Variants in YWHAG observed in about 807,000 individuals in gnomAD.
The protein encoded by YWHAG is tyrosine 3-monooxygenase/tryptophan 5-monooxygenase activation protein gamma, also known as 14-3-3 protein gamma.
In YWHAG, 1 loss-of-function variant was observed where a neutral mutation model predicts 23.3. That is an observed-to-expected ratio of 0.04 (90% confidence interval 0.02 to 0.20). YWHAG has a LOEUF of 0.20. Ranked by LOEUF, YWHAG falls within the 10% of genes least tolerant of loss-of-function variation. YWHAG has a pLI of 1.00. For missense variants in YWHAG, 151 were observed against 338.6 expected, an observed-to-expected ratio of 0.45 and a Z score of 4.35; for synonymous variants, 160 against 144.0, an observed-to-expected ratio of 1.11 and a Z score of -0.80.
intron 1 of YWHAG, among the ~76,000 whole-genome samples, chr7:76,337,214 G>C (rs183922551): frequency 1.4e-4 from 21 of 152,236 alleles, no homozygotes; most frequent in Admixed American, 1.3e-3. Context: ...CTGAGAACTT[G>C]GATTTAGGGA....
chr7:76,341,404 C>CAAA (rs1158151013), intron 1 of YWHAG, among the ~76,000 whole-genome samples: 11,212 of 44,572 alleles, frequency 0.25, 2,723 homozygotes, highest in East Asian at 0.38. Flanking sequence ...ACTCTTGCCT[C>CAAA]AAAAAAAAAA....
At chr7:76,342,796 A>G (rs1803717117) in intron 1 of YWHAG, among the ~76,000 whole-genome samples, 1 of 152,142 alleles carries the variant, frequency 6.6e-6, no homozygotes, top group African/African-American at 2.4e-5. Flanking sequence ...TCTGACTTGG[A>G]AGTGGCGGGG....
chr7:76,341,824 TCTGAACATA>T lies in YWHAG; in HGVS notation c.88-11600_88-11592del, dbSNP rs1310097589. ...TAGAATGTGGTGATGGTTATGCAAG[TCTGAACATA>T]CTGAAAACCATTAAATTGCACACTT... On this transcript the variant is annotated intron_variant, in intron 1 of 1. Transcript: ENST00000307630. Among the ~76,000 whole-genome samples, 3 of 152,270 alleles carry T rather than the reference TCTGAACATA, an allele frequency of 2.0e-5. 1 individual carries two copies. In the South Asian group the frequency reaches 6.2e-4, roughly 32 times the overall value.
intron 1 of YWHAG, among the ~76,000 whole-genome samples, chr7:76,345,438 G>A (rs558169676): frequency 2.6e-5 from 4 of 151,738 alleles, no homozygotes; most frequent in Admixed American, 6.6e-5. Context: ...CACCCGCCTC[G>A]GCCTCCCAAA....
intron 1 of YWHAG, among the ~76,000 whole-genome samples, chr7:76,357,205 T>C (rs1190641394): frequency 6.6e-6 from 1 of 152,238 alleles, no homozygotes. Context: ...ATCAGTTCTC[T>C]TCAATAAGAC....
At position 76,332,511 on chromosome 7, in the gene YWHAG, A is replaced by T. The variant is rs117179368; in HGVS notation, c.88-2278T>A. Among the ~76,000 whole-genome samples the T allele has an allele frequency of 7.4e-4, 113 of 152,236 alleles. 1 individual carries two copies. In the East Asian group the frequency reaches 0.021, roughly 28 times the overall value. ...AGGTAATATACAGGTATATCAGACA[A>T]ATAAGAAAGTCTTTTTTTGTTCTTT... On this transcript the variant is annotated intron_variant, in intron 1 of 1. Transcript: ENST00000307630.
intron 1 of YWHAG, among the ~76,000 whole-genome samples, chr7:76,355,748 C>A (rs1158680924): frequency 6.6e-6 from 1 of 152,148 alleles, no homozygotes; most frequent in Non-Finnish European, 1.5e-5. Context: ...CCTCCCACCC[C>A]TCATTGAGTT....
intron 1 of YWHAG, among the ~76,000 whole-genome samples, chr7:76,352,806 T>C (rs765361529): frequency 2.0e-5 from 3 of 152,092 alleles, no homozygotes; most frequent in Non-Finnish European, 4.4e-5. Flanking sequence ...TGCGCCACCA[T>C]GCCCAGCTAA....
intron 1 of YWHAG, among the ~76,000 whole-genome samples, chr7:76,355,752 T>C (rs138032107): frequency 3.4e-4 from 52 of 152,304 alleles, no homozygotes; most frequent in African/African-American, 1.2e-3. Context: ...CCACCCCTCA[T>C]TGAGTTAAAC....
chr7:76,345,965 G>A (rs1166183836), intron 1 of YWHAG, among the ~76,000 whole-genome samples: 1 of 152,022 alleles, frequency 6.6e-6, no homozygotes. Flanking sequence ...AAATAAGTAA[G>A]TAAATAAATA....
At chr7:76,358,582 C>T in intron 1 of YWHAG, 140 bp downstream of exon 1, 5 of 815,270 alleles carry the variant, frequency 6.1e-6, no homozygotes, top group Non-Finnish European at 7.2e-6. Flanking sequence ...CTCTCGGGAC[C>T]CTCCCCAGCC....
At chr7:76,345,699 T>C (rs1261918651) in intron 1 of YWHAG, among the ~76,000 whole-genome samples, 3 of 151,956 alleles carry the variant, frequency 2.0e-5, no homozygotes, top group Non-Finnish European at 4.4e-5. Context: ...TCCCAGCACT[T>C]TGGGAGGCCG....
At chr7:76,358,680 CG>C in intron 1 of YWHAG, 41 bp downstream of exon 1, 1 of 1,536,294 alleles carries the variant, frequency 6.5e-7, no homozygotes, top group South Asian at 1.2e-5. Flanking sequence ...ACCGCGTCTT[CG>C]GAGGGGCAGG....
chr7:76,356,354 C>T (rs1803957263), intron 1 of YWHAG, among the ~76,000 whole-genome samples: 3 of 152,114 alleles, frequency 2.0e-5, no homozygotes, highest in African/African-American at 4.8e-5. Flanking sequence ...TCACAGGAAA[C>T]AGATTTGAAA....
intron 1 of YWHAG, among the ~76,000 whole-genome samples, chr7:76,350,718 C>A (rs1033369236): frequency 1.6e-4 from 24 of 152,088 alleles, no homozygotes; most frequent in African/African-American, 5.3e-4. Flanking sequence ...GTGGTACATG[C>A]CTGTAATCCC....
chr7:76,330,370 A>C (rs1803525268), intron 1 of YWHAG, 137 bp from the exon 2 acceptor site: 2 of 931,234 alleles, frequency 2.1e-6, no homozygotes, highest in South Asian at 1.8e-5. Flanking sequence ...GGCTGGGGGA[A>C]GGGGGCTGGA....
chr7:76,347,042 T>C (rs1479821991), intron 1 of YWHAG, among the ~76,000 whole-genome samples: 1 of 151,916 alleles, frequency 6.6e-6, no homozygotes, highest in South Asian at 2.1e-4. Flanking sequence ...CCTCTCCCCC[T>C]CCCTCAAGTT....
rs35880008 is a variant in YWHAG, at chr7:76,349,418, TACACAC to T, written c.87+9298_87+9303del. ...ACGCGTTTTGGTCATCATTTATTAA[TACACAC>T]ACACACACACACACACACAGACACA... On this transcript the variant is annotated intron_variant, in intron 1 of 1. Transcript: ENST00000307630. Among the ~76,000 whole-genome samples, 47 of 147,150 alleles carry T rather than the reference TACACAC, an allele frequency of 3.2e-4. 2 individuals are homozygous for T. Among genetic ancestry groups the T allele is most frequent in the African/African-American group, 7.8e-4 (31 of 39,850 alleles).
chr7:76,336,549 G>C (rs1192753887), intron 1 of YWHAG, among the ~76,000 whole-genome samples: 1 of 151,130 alleles, frequency 6.6e-6, no homozygotes, highest in Non-Finnish European at 1.5e-5. Context: ...TCTACTTCCG[G>C]GTTCAAGTGA....
Sources: gnomAD v4.1 joint callset for allele counts (sites outside exome capture counted in the v4.1 genomes callset) on GRCh38, gnomAD v4.1.1 for gene constraint, MANE v1.5 for transcripts, NCBI Gene and HGNC (gene_info 2026-07-23, HGNC 2026-07-21) for gene names.